The following ALAD variants were observed in gnomAD, a reference collection of about 807,000 sequenced individuals.
ALAD encodes aminolevulinate dehydratase, also known as delta-aminolevulinic acid dehydratase.
In ALAD, 20 loss-of-function variants were observed where a neutral mutation model predicts 44.4. That is an observed-to-expected ratio of 0.45 (90% confidence interval 0.32 to 0.65). ALAD has a LOEUF of 0.65. Ranked by LOEUF, ALAD falls within the 30% of genes least tolerant of loss-of-function variation. The probability of loss-of-function intolerance (pLI) is 0.05; values close to 1 mark genes in which losing one functional copy is unlikely to be tolerated. For synonymous variants in ALAD, 156 were observed against 167.9 expected (o/e 0.93, Z 0.55); for missense variants, 323 against 445.7 (o/e 0.72, Z 2.48).
chr9:113,391,747 C>A, intron 3 of ALAD, 124 bp from the exon 4 acceptor site: 1 of 791,844 alleles, frequency 1.3e-6, no homozygotes. Context: ...GGGCTCAAGC[C>A]CCCAGGACAG....
intron 1 of ALAD, among the ~76,000 whole-genome samples, chr9:113,400,915 CACCAA>C (rs1827836953): frequency 6.6e-6 from 1 of 152,228 alleles, no homozygotes; most frequent in Non-Finnish European, 1.5e-5. Flanking sequence ...CCTACCCCCC[CACCAA>C]CCACCACCCG....
At chr9:113,393,248 A>G (rs1306416320) in intron 2 of ALAD, 199 bp downstream of exon 2, 1 of 618,536 alleles carries the variant, frequency 1.6e-6, no homozygotes, top group Non-Finnish European at 2.9e-6. Flanking sequence ...AATGGGATGA[A>G]TGAGTTCTTT....
At chr9:113,391,855 T>G (rs1827594861) in intron 3 of ALAD, among the ~76,000 whole-genome samples, 1 of 152,206 alleles carries the variant, frequency 6.6e-6, no homozygotes, top group African/African-American at 2.4e-5. Context: ...CGAGGCCCTC[T>G]TTTTGAACTC....
intron 1 of ALAD, among the ~76,000 whole-genome samples, chr9:113,400,134 A>ACC (rs886810604): frequency 2.0e-5 from 3 of 152,164 alleles, no homozygotes; most frequent in African/African-American, 7.2e-5. Context: ...ATCTTGGCTA[A>ACC]GAGTCTTCTT....
intron 3 of ALAD, 152 bp from the exon 4 acceptor site, chr9:113,391,775 C>G: frequency 1.4e-6 from 1 of 714,732 alleles, no homozygotes; most frequent in Non-Finnish European, 2.5e-6. Flanking sequence ...AGGGATGCAT[C>G]CACTAAATAG....
At chr9:113,392,877 G>A (rs573028270) in intron 2 of ALAD, among the ~76,000 whole-genome samples, 1 of 149,088 alleles carries the variant, frequency 6.7e-6, no homozygotes, top group Non-Finnish European at 1.5e-5. Context: ...GAGTGAAGTG[G>A]TGCAATCTCG....
intron 11 of ALAD, among the ~76,000 whole-genome samples, chr9:113,388,727 G>A (rs540576835): frequency 6.6e-6 from 1 of 152,280 alleles, no homozygotes; most frequent in African/African-American, 2.4e-5. Context: ...CCAGTTATGG[G>A]TGAGGACACT....
chr9:113,395,546 T>C (rs1423693124), intron 1 of ALAD, among the ~76,000 whole-genome samples: 3 of 152,228 alleles, frequency 2.0e-5, no homozygotes, highest in Non-Finnish European at 4.4e-5. Context: ...ATGCTCCAAA[T>C]GCCAAATTAG....
Position 113,388,275 on chromosome 9 carries a change from G to A in ALAD, c.*25C>T. 1 of 1,613,560 alleles carries A rather than the reference G, an allele frequency of 6.2e-7. No homozygotes were observed. The highest frequency in any genetic ancestry group is 2.2e-5 in the East Asian group (1 of 44,888). ...GCCCCGGGAACGTTTTAAAGTTCTAGTTCTTGGGCCTGGCACTGTCTCCAT... is the reference window on the plus strand; with the variant it reads ...GCCCCGGGAACGTTTTAAAGTTCTAATTCTTGGGCCTGGCACTGTCTCCAT... On this transcript the variant is annotated 3_prime_UTR_variant, in exon 12 of 12. Transcript: ENST00000409155.
chr9:113,394,769 T>C (rs574673206), intron 1 of ALAD, among the ~76,000 whole-genome samples: 2 of 152,086 alleles, frequency 1.3e-5, no homozygotes, highest in Admixed American at 1.3e-4. Flanking sequence ...AAAGTACTGT[T>C]GGCCGGGCAT....
At chr9:113,397,109 A>C (rs1365859404) in intron 1 of ALAD, 1 of 152,216 alleles carries the variant, frequency 6.6e-6, no homozygotes, top group African/African-American at 2.4e-5. Flanking sequence ...GTGAACTGGG[A>C]GATCCTTTGG....
intron 4 of ALAD, 86 bp from the exon 5 acceptor site, chr9:113,391,019 G>A (rs996013931): frequency 1.3e-6 from 2 of 1,556,356 alleles, no homozygotes; most frequent in Admixed American, 3.4e-5. Context: ...GCATAGCCCT[G>A]GCCTTCTCCT....
Position 113,391,575 on chromosome 9 carries a change from C to T in ALAD, c.213G>A (p.Glu71=), listed in dbSNP as rs780517883. Residue 71 remains glutamate (E), a synonymous_variant, in exon 4 of 12, where the codon GAG becomes GAA. Transcript: ENST00000409155. ...CAAAGATCAAGACACAGCGTAGGCC[C>T]TCTTCCACCAAGGGCCTCAGCATCT... ...LEEMLRPLVE[E]GLRCVLIFGV... 1 of 1,614,164 alleles carries T rather than the reference C, an allele frequency of 6.2e-7. No homozygotes were observed. The highest frequency in any genetic ancestry group is 8.5e-7 in the Non-Finnish European group (1 of 1,180,040).
chr9:113,390,642 C>T lies in ALAD; in HGVS notation c.432G>A (p.Glu144=). The change falls in exon 6 of 12, where the codon GAG becomes GAA. Residue 144 remains glutamate, a synonymous_variant. Coordinates refer to ENST00000409155, the MANE Select transcript of ALAD (RefSeq NM_000031.6). The stretch of plus-strand genomic sequence containing the variant: ...CCTCAGCCAGCCGCTGGCGGCTCTC[C>T]TCAGCCCGGAATGCTCCGTTTTCAC... ...LLSENGAFRA[E]ESRQRLAEVA... is the part of the protein sequence containing the mutation. 1 of 1,614,188 alleles carries T rather than the reference C, an allele frequency of 6.2e-7. No individual in the cohort carries two copies. Among genetic ancestry groups the T allele is most frequent in the Non-Finnish European group, 8.5e-7 (1 of 1,180,028 alleles).
intron 1 of ALAD, chr9:113,397,261 G>A (rs1827755112): frequency 6.6e-6 from 1 of 152,378 alleles, no homozygotes; most frequent in South Asian, 2.1e-4. Flanking sequence ...GCTTTCAGGA[G>A]GCTGAGGGAA....
chr9:113,388,181 G>A lies in ALAD; in HGVS notation c.*119C>T, dbSNP rs1588081273. ...CAGGGCTGCTGGGCCCCGCTAGCATGTGAGCAGGAAGAGGGCATGAGGGCA... is the reference window on the plus strand; with the variant it reads ...CAGGGCTGCTGGGCCCCGCTAGCATATGAGCAGGAAGAGGGCATGAGGGCA... On this transcript the variant is annotated 3_prime_UTR_variant, in exon 12 of 12. Coordinates refer to ENST00000409155, the MANE Select transcript of ALAD (RefSeq NM_000031.6). 1.8e-6 allele frequency: 2 copies of A among 1,101,868 alleles called. No individual in the cohort carries two copies. Among genetic ancestry groups the A allele is most frequent in the East Asian group, 4.8e-5 (2 of 41,784 alleles). The allele number at this position is 1,101,868 out of a possible 1,614,324, so 68.3% of individuals were successfully genotyped here. A position where few individuals can be genotyped will look rare whatever the true frequency, so the allele number is the denominator to read the frequency against.
At position 113,395,276 on chromosome 9, in the gene ALAD, C is replaced by A. The variant is rs142470678; in HGVS notation, c.-75-1642G>T. Among the ~76,000 whole-genome samples, 201 of 152,276 alleles carry A rather than the reference C, an allele frequency of 1.3e-3. 1 individual carries two copies. Among genetic ancestry groups the A allele is most frequent in the African/African-American group, 4.7e-3 (194 of 41,556 alleles). On this transcript the variant is annotated intron_variant, in intron 1 of 11. Transcript: ENST00000409155. ...TTGCTTTCCTAACCTTGTCCCTTTA[C>A]CTGAAAGGCTGTGCTCTCCCCACAG...
rs778399674 is a variant in ALAD, at chr9:113,393,583, G to A, written c.-24C>T. Reference sequence around the variant, plus strand: ...ATGGCGTGGGCCAGTGGGCACAGGGGCATCAGTTGGTTGGAACCGAGGGCT... The same window carrying A: ...ATGGCGTGGGCCAGTGGGCACAGGGACATCAGTTGGTTGGAACCGAGGGCT... On this transcript the variant is annotated 5_prime_UTR_variant, in exon 2 of 12. Transcript: ENST00000409155. The A allele has an allele frequency of 5.6e-6, 9 of 1,600,162 alleles. No homozygotes were observed. The highest frequency in any genetic ancestry group is 1.7e-5 in the Admixed American group (1 of 59,988).
chr9:113,392,936 G>A (rs939452232), intron 2 of ALAD, among the ~76,000 whole-genome samples: 1 of 149,840 alleles, frequency 6.7e-6, no homozygotes, highest in Non-Finnish European at 1.5e-5. Context: ...TCCTGCCTCA[G>A]CCTCCCAAGT....
Sources: allele counts gnomAD v4.1 joint callset (sites outside exome capture counted in the v4.1 genomes callset), GRCh38; gene constraint gnomAD v4.1.1; transcripts MANE v1.5; gene names NCBI Gene and HGNC (gene_info 2026-07-23, HGNC 2026-07-21).